NETO2: variants seen among roughly 807,000 people sequenced by gnomAD.
NETO2 encodes the protein neuropilin and tolloid-like protein 2.
In NETO2, 28 loss-of-function variants were observed where a neutral mutation model predicts 62.5. That is an observed-to-expected ratio of 0.45 (90% CI 0.33 to 0.61). The LOEUF (loss-of-function observed/expected upper bound fraction) is 0.61. Ranked by LOEUF, NETO2 falls within the 20% of genes least tolerant of loss-of-function variation. NETO2 has a pLI of 0.02. For synonymous variants in NETO2, 214 were observed against 219.1 expected, an observed-to-expected ratio of 0.98 and a Z score of 0.21; for missense variants, 548 against 643.2, an observed-to-expected ratio of 0.85 and a Z score of 1.60.
chr16:47,126,064 T>C (rs1172508554), intron 4 of NETO2, among the ~76,000 whole-genome samples: 2 of 152,210 alleles, frequency 1.3e-5, no homozygotes, highest in Non-Finnish European at 2.9e-5. Flanking sequence ...AAATACCTTA[T>C]ATAAATGGAG....
intron 7 of NETO2, among the ~76,000 whole-genome samples, chr16:47,090,603 T>C (rs775187547): frequency 6.6e-6 from 1 of 152,066 alleles, no homozygotes; most frequent in Non-Finnish European, 1.5e-5. Flanking sequence ...CCCCCCCAAT[T>C]TCAATGAGAT....
intron 7 of NETO2, among the ~76,000 whole-genome samples, chr16:47,107,155 A>C (rs1228978790): frequency 1.3e-5 from 2 of 152,250 alleles, no homozygotes; most frequent in African/African-American, 4.8e-5. Context: ...AAAATGGCAC[A>C]TAAGAAAATA....
In NETO2 at chr16:47,122,370, AC is replaced by A. The variant is rs1964059244; in HGVS notation, c.654+286del. On this transcript the variant is annotated intron_variant, in intron 6 of 8. Transcript: ENST00000562435. ...ATCATACTGATCAGTATGCACACTC[AC>A]CAATTGGGAACTGACAGGTCTTAAG... Among the ~76,000 whole-genome samples the A allele has an allele frequency of 2.0e-5, 3 of 152,196 alleles. No homozygotes were observed. In the East Asian group the frequency reaches 5.8e-4, roughly 29 times the overall value.
intron 1 of NETO2, among the ~76,000 whole-genome samples, chr16:47,138,495 A>T (rs1964401820): frequency 6.6e-6 from 1 of 152,248 alleles, no homozygotes; most frequent in Non-Finnish European, 1.5e-5. Context: ...AGTTGCACAC[A>T]TCATTTTCTA....
intron 8 of NETO2, among the ~76,000 whole-genome samples, chr16:47,084,472 A>C (rs1963142055): frequency 6.6e-6 from 1 of 152,200 alleles, no homozygotes; most frequent in Non-Finnish European, 1.5e-5. Flanking sequence ...CATCACTCGC[A>C]TTACCCGCAG....
chr16:47,134,996 T>G (rs1430289228), intron 1 of NETO2, among the ~76,000 whole-genome samples: 5 of 152,162 alleles, frequency 3.3e-5, no homozygotes, highest in East Asian at 1.9e-4. Context: ...ATCGACCAAA[T>G]GAGCTGTGCC....
intron 6 of NETO2, among the ~76,000 whole-genome samples, chr16:47,118,631 C>T (rs1963971101): frequency 6.6e-6 from 1 of 152,170 alleles, no homozygotes; most frequent in African/African-American, 2.4e-5. Context: ...TTATGATAGT[C>T]TAAAACATTT....
rs141182866 is a variant in NETO2, at chr16:47,128,457, G to C, written c.349C>G (p.Leu117Val). The change falls in exon 4 of 9, where the codon CTT becomes GTT. Residue 117 changes from leucine (L) to valine (V), a missense_variant. By Grantham distance (32) the Leu-to-Val change is conservative. Transcript: ENST00000562435. ...TTCACGCCACAGTAACGATCTATAA[G>C]AGGAGAGAAACCAAATGGCCCATCT... ...VRDGPFGFSP[L>V]IDRYCGVKSP... 6 of 1,614,076 alleles carry C rather than the reference G, an allele frequency of 3.7e-6. No homozygotes were observed. Among genetic ancestry groups the C allele is most frequent in the Non-Finnish European group, 3.4e-6 (4 of 1,179,990 alleles).
chr16:47,119,080 A>G (rs978399987), intron 6 of NETO2, among the ~76,000 whole-genome samples: 2 of 151,738 alleles, frequency 1.3e-5, no homozygotes, highest in African/African-American at 4.8e-5. Flanking sequence ...GGTTTGTTTC[A>G]TAATAGTTTT....
intron 6 of NETO2, among the ~76,000 whole-genome samples, chr16:47,113,232 G>A (rs938762948): frequency 1.4e-4 from 21 of 152,180 alleles, no homozygotes; most frequent in African/African-American, 3.9e-4. Flanking sequence ...ATTCTAACGA[G>A]ACAATTTATA....
rs189805676 is a variant in NETO2, at chr16:47,086,037, C to T, written c.997+189G>A. 9.6e-3 allele frequency among the ~76,000 whole-genome samples: 1,467 copies of T among 152,176 alleles called. 12 individuals carry two copies. Among genetic ancestry groups the T allele is most frequent in the South Asian group, 0.015 (70 of 4,810 alleles). On this transcript the variant is annotated intron_variant, in intron 8 of 8. Transcript: ENST00000562435. ...AGGAGAATGGTGTGAACCCGGGAGG[C>T]GGAGCTTGCAGTGAGCCGAGATTGT... is the stretch of plus-strand genomic sequence containing the variant.
At chr16:47,085,740 G>C (rs1265453888) in intron 8 of NETO2, among the ~76,000 whole-genome samples, 3 of 152,114 alleles carry the variant, frequency 2.0e-5, no homozygotes, top group Non-Finnish European at 2.9e-5. Context: ...TTTGTTTAGA[G>C]TATGCTTTTC....
chr16:47,108,913 G>A (rs1963729504), intron 7 of NETO2, among the ~76,000 whole-genome samples: 1 of 152,096 alleles, frequency 6.6e-6, no homozygotes, highest in South Asian at 2.1e-4. Context: ...AAAGATCTAT[G>A]GCATATCTAA....
At chr16:47,091,080 G>C (rs1054720920) in intron 7 of NETO2, among the ~76,000 whole-genome samples, 49 of 152,146 alleles carry the variant, frequency 3.2e-4, no homozygotes, top group African/African-American at 1.1e-3. Context: ...TTACTAATTG[G>C]AGCTCTGAAA....
intron 1 of NETO2, among the ~76,000 whole-genome samples, chr16:47,139,455 T>C (rs1205007721): frequency 6.6e-6 from 1 of 152,226 alleles, no homozygotes; most frequent in Non-Finnish European, 1.5e-5. Flanking sequence ...TTTCTACATC[T>C]TCCTGTGTTA....
chr16:47,116,496 A>G (rs981910037), intron 6 of NETO2, among the ~76,000 whole-genome samples: 1 of 152,076 alleles, frequency 6.6e-6, no homozygotes. Context: ...ACTATTATGT[A>G]TTTTTTTATA....
intron 6 of NETO2, among the ~76,000 whole-genome samples, chr16:47,116,376 T>C (rs1031291907): frequency 6.6e-6 from 1 of 152,212 alleles, no homozygotes; most frequent in South Asian, 2.1e-4. Flanking sequence ...GAATGGGTGA[T>C]GAATTTTAAC....
In NETO2 at chr16:47,143,585, G is replaced by T; in HGVS notation, c.28C>A (p.Leu10Ile). ...CCCCAGCCCCGGTCCTTACCTTTGA[G>T]GACCGAGCAGAGCCGCTCCAGGGCC... MALERLCSV[L>I]KVLLITVLVV... The change falls in exon 1 of 9, where the codon CTC becomes ATC. Residue 10 changes from leucine (L) to isoleucine (I), a missense_variant. Transcript: ENST00000562435. 8.2e-7 allele frequency: 1 copy of T among 1,223,240 alleles called. No homozygotes were observed. The allele number at this position is 1,223,240 out of a possible 1,614,324, so 75.8% of individuals were successfully genotyped here.
At chr16:47,114,903 T>C (rs955456059) in intron 6 of NETO2, among the ~76,000 whole-genome samples, 3 of 152,208 alleles carry the variant, frequency 2.0e-5, no homozygotes, top group Non-Finnish European at 4.4e-5. Flanking sequence ...AATACAGTGT[T>C]GGATGTAGGT....
Sources: allele counts gnomAD v4.1 joint callset (sites outside exome capture counted in the v4.1 genomes callset), GRCh38; gene constraint gnomAD v4.1.1; transcripts MANE v1.5; gene names NCBI Gene and HGNC (gene_info 2026-07-23, HGNC 2026-07-21).